The following DCAF12 variants were observed in gnomAD, a reference collection of about 807,000 sequenced individuals.
DCAF12 encodes DDB1- and CUL4-associated factor 12.
DCAF12 carries 28 observed loss-of-function variants against 52.8 expected under a neutral mutation model. The ratio of observed to expected loss-of-function variants is 0.53; its 90% CI spans 0.39 to 0.73. DCAF12 has a LOEUF of 0.73. Among genes scored for constraint, DCAF12 ranks in the 30% least tolerant of loss-of-function variants. DCAF12 has a pLI of 0.00. For synonymous variants in DCAF12, 196 were observed against 215.5 expected (o/e 0.91, Z 0.79); for missense variants, 425 against 552.2 (o/e 0.77, Z 2.31).
rs1022380598 is a variant in DCAF12 at position 34,107,446 on chromosome 9, A to T, written c.453T>A (p.Ser151=). ...CGIHAIELNP[S]RTLLATGGDN... Reference sequence around the variant, plus strand: ...CTCCTCCAGTGGCTAGCAGTGTTCTAGAAGGATTCAGCTCGATGGCATGGA... The same window carrying T: ...CTCCTCCAGTGGCTAGCAGTGTTCTTGAAGGATTCAGCTCGATGGCATGGA... Residue 151 remains serine, a synonymous_variant, in exon 3 of 9, where the codon TCT becomes TCA. Transcript: ENST00000361264. 1 of 1,614,088 alleles carries T rather than the reference A, an allele frequency of 6.2e-7. No homozygotes were observed. The highest frequency in any genetic ancestry group is 1.3e-5 in the African/African-American group (1 of 74,938).
chr9:34,114,104 G>A lies in DCAF12; in HGVS notation c.334-6539C>T, dbSNP rs552936090. Among the ~76,000 whole-genome samples the A allele has an allele frequency of 1.1e-4, 15 of 140,736 alleles. No individual in the cohort carries two copies. The East Asian group carries it at 1.5e-3, about 14-fold the overall frequency. 92.3% of individuals were successfully genotyped at this position (140,736 alleles called of 152,430 possible). ...GCCTGGGCGACAGGGCAAATACTCC[G>A]TCTCAAAAAAAAAAATGTGGCACAG... On this transcript the variant is annotated intron_variant, in intron 2 of 8. Coordinates refer to ENST00000361264, the MANE Select transcript of DCAF12 (RefSeq NM_015397.4).
chr9:34,126,588 G>A lies in DCAF12; in HGVS notation c.-157C>T, dbSNP rs891166908. ...CGGAGCGGCAGCAGAAAAAAGATAGGCGGAAAGAAAGGAAAGAGAGAGGAA... is the reference window on the plus strand; with the variant it reads ...CGGAGCGGCAGCAGAAAAAAGATAGACGGAAAGAAAGGAAAGAGAGAGGAA... On this transcript the variant is annotated 5_prime_UTR_variant, in exon 1 of 9. Transcript: ENST00000361264. 1.2e-5 allele frequency: 9 copies of A among 778,714 alleles called. No homozygotes were observed. Among genetic ancestry groups the A allele is most frequent in the Non-Finnish European group, 1.6e-5 (8 of 503,914 alleles). The allele number at this position is 778,714 out of a possible 1,614,324, so 48.2% of individuals were successfully genotyped here. A position where few individuals can be genotyped will look rare whatever the true frequency, so the allele number is the denominator to read the frequency against.
intron 7 of DCAF12, 43 bp from the exon 8 acceptor site, chr9:34,089,633 A>ATTTGCTGACTG (rs1013336097): frequency 6.5e-7 from 1 of 1,545,056 alleles, no homozygotes; most frequent in Non-Finnish European, 8.8e-7. Context: ...GGGAGAGAAT[A>ATTTGCTGACTG]TTTGCTGACT....
At chr9:34,104,677 A>G (rs1398526390) in intron 4 of DCAF12, among the ~76,000 whole-genome samples, 1 of 152,124 alleles carries the variant, frequency 6.6e-6, no homozygotes, top group East Asian at 1.9e-4. Flanking sequence ...GCATTTTAGG[A>G]GGCCGAGGCA....
intron 4 of DCAF12, among the ~76,000 whole-genome samples, chr9:34,104,401 G>A (rs1279391394): frequency 6.6e-6 from 1 of 152,104 alleles, no homozygotes; most frequent in Non-Finnish European, 1.5e-5. Context: ...TGGATTATGG[G>A]GTGCAAGCAT....
intron 2 of DCAF12, among the ~76,000 whole-genome samples, chr9:34,122,993 C>T (rs1829198387): frequency 6.6e-6 from 1 of 152,206 alleles, no homozygotes; most frequent in African/African-American, 2.4e-5. Context: ...TCCCAGCTGC[C>T]AGATCCATGT....
intron 2 of DCAF12, among the ~76,000 whole-genome samples, chr9:34,118,921 C>T (rs530465481): frequency 6.6e-6 from 1 of 152,198 alleles, no homozygotes; most frequent in East Asian, 1.9e-4. Flanking sequence ...GCCAAGATTG[C>T]GCCAGTGCAC....
At chr9:34,115,356 C>T (rs1038157992) in intron 2 of DCAF12, among the ~76,000 whole-genome samples, 7 of 150,470 alleles carry the variant, frequency 4.7e-5, no homozygotes, top group Admixed American at 3.4e-4. Flanking sequence ...CTTTGGGAGG[C>T]CGAGGCGGGC....
rs796997762 is a variant in DCAF12 at position 34,112,142 on chromosome 9, C to CA, written c.334-4578dup. On this transcript the variant is annotated intron_variant, in intron 2 of 8. Coordinates refer to ENST00000361264, the MANE Select transcript of DCAF12 (RefSeq NM_015397.4). ...TGGGTGACAGTGTGAGACTCCAACTCAAAAAAAAAAAAAAGACAGGAAACA... is the reference window on the plus strand; with the variant it reads ...TGGGTGACAGTGTGAGACTCCAACTCAAAAAAAAAAAAAAAGACAGGAAACA... 7.2e-3 allele frequency among the ~76,000 whole-genome samples: 835 copies of CA among 115,906 alleles called. 7 individuals are homozygous for CA. Among genetic ancestry groups the CA allele is most frequent in the Non-Finnish European group, 8.7e-3 (473 of 54,638 alleles). 76.0% of individuals were successfully genotyped at this position (115,906 alleles called of 152,430 possible).
In DCAF12 at chr9:34,096,794, T is replaced by G. The variant is rs368155926; in HGVS notation, c.796-13A>C. The G allele has an allele frequency of 1.5e-4, 237 of 1,612,638 alleles. No individual in the cohort carries two copies. Among genetic ancestry groups the G allele is most frequent in the Middle Eastern group, 1.3e-3 (8 of 6,082 alleles). ...CTGCTCCCAGTTCCTACAAGAGCAA[T>G]GAAAACCAGGTTATATTATCATCTA... On this transcript the variant is annotated splice_polypyrimidine_tract_variant and intron_variant, in intron 5 of 8. Transcript: ENST00000361264.
intron 7 of DCAF12, among the ~76,000 whole-genome samples, chr9:34,090,262 C>T (rs1166988323): frequency 6.6e-6 from 1 of 152,056 alleles, no homozygotes; most frequent in Non-Finnish European, 1.5e-5. Context: ...CAGGGTTTCA[C>T]CATGTTGGCC....
rs900267293 is a variant in DCAF12, at chr9:34,124,962, G to A, written c.333+61C>T. On this transcript the variant is annotated intron_variant, in intron 2 of 8. Transcript: ENST00000361264. Reference sequence around the variant, plus strand: ...GACGGGAAAACTAGCAGAGGTTCTAGAGCAAGTGGAGCAATATATCCACGA... The same window carrying A: ...GACGGGAAAACTAGCAGAGGTTCTAAAGCAAGTGGAGCAATATATCCACGA... 54 of 1,585,894 alleles carry A rather than the reference G, an allele frequency of 3.4e-5. 1 individual carries two copies. Among genetic ancestry groups the A allele is most frequent in the Non-Finnish European group, 4.3e-5 (50 of 1,164,230 alleles).
In DCAF12 at chr9:34,109,138, T is replaced by A. The variant is rs1828957302; in HGVS notation, c.334-1573A>T. 2.6e-5 allele frequency: 4 copies of A among 152,060 alleles called. No individual in the cohort carries two copies. In the South Asian group the frequency reaches 8.3e-4, roughly 32 times the overall value. The allele number at this position is 152,060 out of a possible 1,614,324, so 9.4% of individuals were successfully genotyped here. ...ACTATGGGTGAATAAAAAGTTCACA[T>A]CACTTCTTCCCTTTACCCAAAAACA... On this transcript the variant is annotated intron_variant, in intron 2 of 8. Transcript: ENST00000361264.
At chr9:34,115,068 A>C (rs1291136614) in intron 2 of DCAF12, among the ~76,000 whole-genome samples, 1 of 152,176 alleles carries the variant, frequency 6.6e-6, no homozygotes, top group Non-Finnish European at 1.5e-5. Context: ...GAGAAAGGAA[A>C]GTAATTCTAC....
intron 2 of DCAF12, chr9:34,109,205 T>G (rs1451183787): frequency 6.4e-6 from 1 of 155,630 alleles, no homozygotes; most frequent in African/African-American, 2.4e-5. Flanking sequence ...CTCCTCAAAC[T>G]CTCTCTCCTC....
At chr9:34,096,486 C>T (rs971577498) in intron 6 of DCAF12, among the ~76,000 whole-genome samples, 17 of 152,224 alleles carry the variant, frequency 1.1e-4, no homozygotes, top group Middle Eastern at 3.4e-3. Context: ...CTGTAATCCC[C>T]GCAGCTACTC....
chr9:34,119,035 A>G (rs567105430), intron 2 of DCAF12, among the ~76,000 whole-genome samples: 9 of 152,300 alleles, frequency 5.9e-5, no homozygotes, highest in African/African-American at 1.7e-4. Context: ...AACAGCATTA[A>G]GACTTGAGGA....
At chr9:34,094,450 T>C (rs750123053) in intron 6 of DCAF12, among the ~76,000 whole-genome samples, 15 of 151,170 alleles carry the variant, frequency 9.9e-5, no homozygotes, top group Admixed American at 2.6e-4. Context: ...TAGGTTTAAC[T>C]CTATGTAAAA....
chr9:34,092,910 A>C (rs964622122), intron 7 of DCAF12, among the ~76,000 whole-genome samples: 8 of 151,854 alleles, frequency 5.3e-5, no homozygotes. Context: ...CAATGGTGCG[A>C]TCTCAGCTCA....
Sources: gnomAD v4.1 joint callset for allele counts (sites outside exome capture counted in the v4.1 genomes callset) on GRCh38, gnomAD v4.1.1 for gene constraint, MANE v1.5 for transcripts, NCBI Gene and HGNC (gene_info 2026-07-23, HGNC 2026-07-21) for gene names.